Variants in DDX60L observed in about 807,000 individuals in gnomAD.
DDX60L encodes the protein probable ATP-dependent RNA helicase DDX60-like.
A neutral mutation model predicts 211.6 loss-of-function variants in DDX60L; 191 were observed. The ratio of observed to expected loss-of-function variants is 0.90; its 90% CI spans 0.80 to 1.02. The LOEUF (loss-of-function observed/expected upper bound fraction) is 1.02. DDX60L is among the 50% of genes least tolerant of loss of function. The pLI is 0.00. For synonymous variants in DDX60L, 706 were observed against 694.1 expected, an observed-to-expected ratio of 1.02 and a Z score of -0.27; for missense variants, 2,007 against 1,984.1, an observed-to-expected ratio of 1.01 and a Z score of -0.22.
At chr4:168,435,938 T>C (rs963951783) in intron 10 of DDX60L, among the ~76,000 whole-genome samples, 5 of 152,152 alleles carry the variant, frequency 3.3e-5, no homozygotes, top group East Asian at 1.9e-4. Flanking sequence ...TGGTGGAAAA[T>C]GAACGGAACA....
At chr4:168,465,173 G>A (rs976298578) in intron 4 of DDX60L, among the ~76,000 whole-genome samples, 2 of 147,352 alleles carry the variant, frequency 1.4e-5, no homozygotes, top group African/African-American at 4.9e-5. Flanking sequence ...TTGTCTTTTT[G>A]ACAACAGCTA....
chr4:168,371,862 G>T, intron 35 of DDX60L, 99 bp from the exon 36 acceptor site: 7 of 1,199,518 alleles, frequency 5.8e-6, no homozygotes, highest in Middle Eastern at 4.7e-4. Flanking sequence ...CTTAAAGTAC[G>T]TTCTGAAGAA....
At chr4:168,377,502 C>T (rs1742181584) in intron 33 of DDX60L, among the ~76,000 whole-genome samples, 1 of 152,008 alleles carries the variant, frequency 6.6e-6, no homozygotes, top group South Asian at 2.1e-4. Context: ...ATTTTTATGG[C>T]TTCCTTAGTT....
intron 36 of DDX60L, among the ~76,000 whole-genome samples, chr4:168,363,627 A>T (rs1739456032): frequency 6.6e-6 from 1 of 152,250 alleles, no homozygotes; most frequent in Non-Finnish European, 1.5e-5. Flanking sequence ...TGTTATCAGC[A>T]TAAAATAGTC....
Position 168,371,748 on chromosome 4 carries a change from C to T in DDX60L, c.4792G>A (p.Val1598Ile). 1 of 1,604,302 alleles carries T rather than the reference C, an allele frequency of 6.2e-7. No individual in the cohort carries two copies. The highest frequency in any genetic ancestry group is 8.5e-7 in the Non-Finnish European group (1 of 1,173,090). The stretch of plus-strand genomic sequence containing the variant: ...GGAGCCTGAGTGCCACTAACACCGA[C>T]TGTGCGCAGGATGACCTGAAGAAAG... ...ETINQVILRT[V>I]GVSGTQAPLL... The change falls in exon 36 of 38, where the codon GTC (valine) becomes ATC (isoleucine). Residue 1598 changes from valine to isoleucine, a missense_variant. By Grantham distance (29) the Val-to-Ile change is conservative. Transcript: ENST00000682922.
intron 25 of DDX60L, among the ~76,000 whole-genome samples, chr4:168,403,575 G>A (rs1747210893): frequency 6.6e-6 from 1 of 151,968 alleles, no homozygotes; most frequent in African/African-American, 2.4e-5. Flanking sequence ...AAAGCCTCTG[G>A]GCTTAGTTTT....
intron 8 of DDX60L, among the ~76,000 whole-genome samples, chr4:168,451,346 C>T (rs570160254): frequency 1.3e-5 from 2 of 152,330 alleles, no homozygotes; most frequent in East Asian, 3.9e-4. Context: ...CCACCTCAAA[C>T]TCACTATTTC....
chr4:168,462,665 T>C (rs1757470642), intron 4 of DDX60L, among the ~76,000 whole-genome samples: 1 of 151,956 alleles, frequency 6.6e-6, no homozygotes, highest in Non-Finnish European at 1.5e-5. Flanking sequence ...ATACAAAAAT[T>C]AGCTGGGCGC....
intron 26 of DDX60L, among the ~76,000 whole-genome samples, chr4:168,398,371 T>C (rs1746193753): frequency 6.6e-6 from 1 of 152,186 alleles, no homozygotes; most frequent in Non-Finnish European, 1.5e-5. Flanking sequence ...TTGACTCGGC[T>C]GTTTCCAGAC....
intron 8 of DDX60L, among the ~76,000 whole-genome samples, chr4:168,449,470 T>G (rs1579730173): frequency 1.2e-4 from 5 of 40,050 alleles, no homozygotes; most frequent in Admixed American, 3.8e-4. Flanking sequence ...TGTGGTGGGG[T>G]CGGGGGAGGG....
chr4:168,420,447 A>C, intron 17 of DDX60L, 67 bp from the exon 18 acceptor site: 1 of 1,352,036 alleles, frequency 7.4e-7, no homozygotes, highest in Non-Finnish European at 1.0e-6. Flanking sequence ...CTTGAGGACA[A>C]CCGAATCCAT....
At chr4:168,462,815 C>CA (rs1375458202) in intron 4 of DDX60L, among the ~76,000 whole-genome samples, 1 of 151,642 alleles carries the variant, frequency 6.6e-6, no homozygotes, top group African/African-American at 2.4e-5. Flanking sequence ...TGTCTCAAAA[C>CA]AAAAACAAAA....
At chr4:168,468,199 A>C (rs1758282683) in intron 4 of DDX60L, among the ~76,000 whole-genome samples, 1 of 151,976 alleles carries the variant, frequency 6.6e-6, no homozygotes, top group Non-Finnish European at 1.5e-5. Context: ...TAAACAAGTA[A>C]AATTACAGAT....
chr4:168,453,402 C>T (rs138240214), intron 7 of DDX60L, 120 bp from the exon 8 acceptor site: 1 of 1,049,120 alleles, frequency 9.5e-7, no homozygotes, highest in East Asian at 2.7e-5. Flanking sequence ...GAGAAAGTCC[C>T]CTTCTGCATA....
chr4:168,419,533 C>G (rs1211386602), intron 18 of DDX60L, 136 bp from the exon 19 acceptor site: 2 of 503,886 alleles, frequency 4.0e-6, no homozygotes, highest in Non-Finnish European at 6.7e-6. Context: ...TGACGTTTTT[C>G]ATTTAAGTCT....
intron 26 of DDX60L, among the ~76,000 whole-genome samples, chr4:168,397,426 G>A (rs1745994950): frequency 6.6e-6 from 1 of 152,172 alleles, no homozygotes. Context: ...ATGCTTTAAT[G>A]ATTCAAAGTG....
At chr4:168,372,494 G>A (rs905337694) in intron 35 of DDX60L, among the ~76,000 whole-genome samples, 1 of 152,136 alleles carries the variant, frequency 6.6e-6, no homozygotes, top group African/African-American at 2.4e-5. Flanking sequence ...GGGAAGCTGA[G>A]GTGGGTGGAT....
Position 168,427,170 on chromosome 4 carries a change from A to C in DDX60L, c.1830T>G (p.Asp610Glu). The C allele has an allele frequency of 6.2e-7, 1 of 1,611,874 alleles. No individual in the cohort carries two copies. Among genetic ancestry groups the C allele is most frequent in the South Asian group, 1.1e-5 (1 of 90,832 alleles). Reference protein sequence around the residue: ...NLHSGIRKLEDYLTSCASNSV... With the variant: ...NLHSGIRKLEEYLTSCASNSV... ...AATTACTTGCACATGATGTCAAATA[A>C]TCTTCCAATTTCCTTATTCCAGAAT... The change falls in exon 14 of 38, where the codon GAT (aspartate) becomes GAG (glutamate). Residue 610 changes from aspartate to glutamate, a missense_variant. By Grantham distance (45) the Asp-to-Glu change is conservative (BLOSUM62 2). Coordinates refer to ENST00000682922, the MANE Select transcript of DDX60L (RefSeq NM_001012967.3).
intron 9 of DDX60L, 135 bp downstream of exon 9, chr4:168,448,503 A>G: frequency 1.7e-6 from 1 of 594,702 alleles, no homozygotes; most frequent in Non-Finnish European, 2.8e-6. Context: ...AAGAAAAAAT[A>G]AAATACGTAA....
Sources: gnomAD v4.1 joint callset for allele counts (sites outside exome capture counted in the v4.1 genomes callset) on GRCh38, gnomAD v4.1.1 for gene constraint, MANE v1.5 for transcripts, NCBI Gene and HGNC (gene_info 2026-07-23, HGNC 2026-07-21) for gene names.